The following RGS6 variants were observed in gnomAD, a reference collection of about 807,000 sequenced individuals.
RGS6 encodes regulator of G-protein signaling 6.
Under a neutral mutation model 78.5 loss-of-function variants are expected in RGS6, and 30 were observed. The observed-to-expected ratio is 0.38, with a 90% CI of 0.29 to 0.52. The LOEUF (loss-of-function observed/expected upper bound fraction) is 0.52. RGS6 is among the 20% of genes least tolerant of loss of function. RGS6 has a pLI of 0.85. For synonymous variants in RGS6, 206 were observed against 206.0 expected (o/e 1.00, Z 0.00); for missense variants, 495 against 609.7 (o/e 0.81, Z 1.98).
intron 2 of RGS6, among the ~76,000 whole-genome samples, chr14:71,981,677 T>C (rs2094464320): frequency 6.6e-6 from 1 of 151,738 alleles, no homozygotes; most frequent in Admixed American, 6.6e-5. Context: ...GGAGAACCAC[T>C]GCTCTCTTCA....
chr14:72,141,579 G>A (rs2096539975), intron 2 of RGS6, among the ~76,000 whole-genome samples: 1 of 152,116 alleles, frequency 6.6e-6, no homozygotes, highest in South Asian at 2.1e-4. Flanking sequence ...TGTCATGCTG[G>A]TGACTCCTTG....
chr14:72,064,572 G>C (rs962332844), intron 2 of RGS6, among the ~76,000 whole-genome samples: 2 of 152,242 alleles, frequency 1.3e-5, no homozygotes, highest in East Asian at 3.8e-4. Context: ...AGACGTGTGA[G>C]AAGTGAATAC....
intron 2 of RGS6, among the ~76,000 whole-genome samples, chr14:72,088,223 C>T (rs2095128075): frequency 6.6e-6 from 1 of 152,132 alleles, no homozygotes. Context: ...CATGAGTAAC[C>T]TTCGGGGCAC....
chr14:72,160,650 G>A (rs2096840024), intron 2 of RGS6, among the ~76,000 whole-genome samples: 1 of 152,182 alleles, frequency 6.6e-6, no homozygotes, highest in Admixed American at 6.5e-5. Context: ...CAATATGGTT[G>A]TTGTCTTTAC....
the RGS6 span, among the ~76,000 whole-genome samples, chr14:71,881,194 T>A: frequency 2.6e-5 from 4 of 152,334 alleles, no homozygotes; most frequent in South Asian, 4.1e-4. Flanking sequence ...CCCTTGCATC[T>A]AGGAAGTAAC....
In RGS6 at chr14:72,137,518, G is replaced by T. The variant is rs150337914; in HGVS notation, c.84+172643G>T. Among the ~76,000 whole-genome samples the T allele has an allele frequency of 6.3e-3, 954 of 152,326 alleles. 9 individuals are homozygous for T. Among genetic ancestry groups the T allele is most frequent in the South Asian group, 8.1e-3 (39 of 4,830 alleles). On this transcript the variant is annotated intron_variant, in intron 2 of 17. Transcript: ENST00000553525. ...GTCCCAGATTGTGGTCTGTACTTCTGAGCAACTGGCCATAAATTGGGGGTT... is the reference window on the plus strand; with the variant it reads ...GTCCCAGATTGTGGTCTGTACTTCTTAGCAACTGGCCATAAATTGGGGGTT...
intron 3 of RGS6, among the ~76,000 whole-genome samples, chr14:72,354,483 A>AAT (rs2079828152): frequency 6.6e-6 from 1 of 151,646 alleles, no homozygotes; most frequent in African/African-American, 2.4e-5. Context: ...AAAAAAAAAA[A>AAT]AAAATAGCTG....
chr14:72,037,772 G>A (rs531246240), intron 2 of RGS6, among the ~76,000 whole-genome samples: 1 of 152,146 alleles, frequency 6.6e-6, no homozygotes, highest in East Asian at 1.9e-4. Flanking sequence ...CACGTTACAG[G>A]GTGTGTTATG....
chr14:72,344,776 A>C (rs2681727), intron 2 of RGS6, among the ~76,000 whole-genome samples: 70,483 of 151,998 alleles, frequency 0.46, 16,649 homozygotes, highest in South Asian at 0.6. Flanking sequence ...CAGGATAAGC[A>C]CTGGGACACC....
chr14:72,423,524 C>T (rs918936874), intron 3 of RGS6, among the ~76,000 whole-genome samples: 1 of 152,224 alleles, frequency 6.6e-6, no homozygotes, highest in Non-Finnish European at 1.5e-5. Context: ...TTCACAGCAA[C>T]AGGAATGGAG....
chr14:72,015,097 G>A (rs369286034), intron 2 of RGS6, among the ~76,000 whole-genome samples: 13 of 152,162 alleles, frequency 8.5e-5, no homozygotes, highest in African/African-American at 2.9e-4. Flanking sequence ...TTTGGTTCCT[G>A]GTTCTTCAGG....
chr14:72,434,627 T>C (rs2094815695), intron 3 of RGS6, among the ~76,000 whole-genome samples: 1 of 152,180 alleles, frequency 6.6e-6, no homozygotes, highest in Admixed American at 6.5e-5. Context: ...TCATCTGTCT[T>C]CTCCCTGGTT....
intron 2 of RGS6, among the ~76,000 whole-genome samples, chr14:71,971,934 T>A (rs2159146): frequency 0.1 from 8,329 of 81,664 alleles, 363 homozygotes; most frequent in East Asian, 0.28. Flanking sequence ...TTTTTTTTTT[T>A]ATCAGAGTGA....
chr14:72,476,731 T>C lies in RGS6; in HGVS notation c.694-11T>C. ...GGGTGGATGATCCTCTGTGCTTGCT[T>C]CTTCTCCTAGTCCGTGTATGGCGTG... On this transcript the variant is annotated splice_polypyrimidine_tract_variant and intron_variant, in intron 10 of 17. Coordinates refer to ENST00000553525, the MANE Select transcript of RGS6 (RefSeq NM_001204424.2). The C allele has an allele frequency of 6.2e-7, 1 of 1,613,386 alleles. No homozygotes were observed.
intron 2 of RGS6, among the ~76,000 whole-genome samples, chr14:72,006,829 G>A (rs1473935886): frequency 1.3e-5 from 2 of 152,182 alleles, no homozygotes; most frequent in Non-Finnish European, 2.9e-5. Context: ...AAACTAAAAT[G>A]TGATAGGACT....
At chr14:72,438,576 G>A (rs150163347) in intron 3 of RGS6, among the ~76,000 whole-genome samples, 92 of 152,276 alleles carry the variant, frequency 6.0e-4, no homozygotes, top group Non-Finnish European at 9.0e-4. Flanking sequence ...GGAGTCACTC[G>A]AGACTCCTCT....
Position 72,550,499 on chromosome 14 carries a change from A to G in RGS6, c.1422+10405A>G, listed in dbSNP as rs970167754. 7 of 1,535,598 alleles carry G rather than the reference A, an allele frequency of 4.6e-6. No homozygotes were observed. In the Admixed American group the frequency reaches 1.2e-4, roughly 26 times the overall value. On this transcript the variant is annotated intron_variant, in intron 17 of 17. Transcript: ENST00000553525. ...CAAGGACCGAAAGCCTGGCCTTAAC[A>G]TCATAGCACATTACACTGGGAAATG...
intron 2 of RGS6, among the ~76,000 whole-genome samples, chr14:71,998,740 A>G (rs1302739715): frequency 1.3e-5 from 2 of 152,228 alleles, no homozygotes; most frequent in Admixed American, 1.3e-4. Flanking sequence ...TCTGGAAGAT[A>G]TCTTTATACC....
At chr14:72,027,749 C>T (rs943197964) in intron 2 of RGS6, among the ~76,000 whole-genome samples, 2 of 152,044 alleles carry the variant, frequency 1.3e-5, no homozygotes, top group African/African-American at 4.8e-5. Context: ...CCATTTTTTC[C>T]CTTAGTCATT....
Sources: allele counts gnomAD v4.1 joint callset (sites outside exome capture counted in the v4.1 genomes callset), GRCh38; gene constraint gnomAD v4.1.1; transcripts MANE v1.5; gene names NCBI Gene and HGNC (gene_info 2026-07-23, HGNC 2026-07-21).